ANKRD46: variants seen among roughly 807,000 people sequenced by gnomAD.
The protein encoded by ANKRD46 is ankyrin repeat domain 46.
In ANKRD46, 13 loss-of-function variants were observed where a neutral mutation model predicts 19.8. The ratio of observed to expected loss-of-function variants is 0.66; its 90% CI spans 0.43 to 1.04. ANKRD46 has a LOEUF of 1.04. Ranked by LOEUF, ANKRD46 falls within the 50% of genes least tolerant of loss-of-function variation. ANKRD46 has a pLI of 0.00. For synonymous variants in ANKRD46, 91 were observed against 106.9 expected, an observed-to-expected ratio of 0.85 and a Z score of 0.92; for missense variants, 185 against 274.8, an observed-to-expected ratio of 0.67 and a Z score of 2.31.
intron 1 of ANKRD46, among the ~76,000 whole-genome samples, chr8:100,548,258 T>C (rs1180991767): frequency 6.6e-6 from 1 of 152,156 alleles, no homozygotes; most frequent in African/African-American, 2.4e-5. Context: ...GATAATTTTG[T>C]TCCTGCCTAC....
Position 100,522,252 on chromosome 8 carries a change from G to A in ANKRD46, c.*303C>T, listed in dbSNP as rs532422409. 4 of 1,147,636 alleles carry A rather than the reference G, an allele frequency of 3.5e-6. No individual in the cohort carries two copies. In the African/African-American group the frequency reaches 6.3e-5, roughly 18 times the overall value. 71.1% of individuals were successfully genotyped at this position (1,147,636 alleles called of 1,614,324 possible). A position where few individuals can be genotyped will look rare whatever the true frequency, so the allele number is the denominator to read the frequency against. Reference sequence around the variant, plus strand: ...AGGTTTTGATAGCAAGGACTTCCTAGCTTCTTCCTTTATCTTCCATTCTCT... The same window carrying A: ...AGGTTTTGATAGCAAGGACTTCCTAACTTCTTCCTTTATCTTCCATTCTCT... On this transcript the variant is annotated 3_prime_UTR_variant, in exon 5 of 5. Transcript: ENST00000335659.
downstream of ANKRD46, among the ~76,000 whole-genome samples, chr8:100,516,481 T>A (rs1306874382): frequency 6.6e-6 from 1 of 152,226 alleles, no homozygotes; most frequent in Non-Finnish European, 1.5e-5. Context: ...CAATTCACAC[T>A]AATAGCTATC....
chr8:100,544,915 A>G lies in ANKRD46; in HGVS notation c.-130-11604T>C, dbSNP rs1376388783. ...GGTGCTCTTCACAGAGTGAACAAGC[A>G]GAGAAGCCCAAGGAGATAATAACAG... On this transcript the variant is annotated intron_variant, in intron 1 of 4. Transcript: ENST00000335659. This position sits in a 1 kb window ranked among gnomAD's most constrained non-coding sequence, Gnocchi z 4.4. Among the ~76,000 whole-genome samples, 1 of 152,222 alleles carries G rather than the reference A, an allele frequency of 6.6e-6. No individual in the cohort carries two copies. Among genetic ancestry groups the G allele is most frequent in the Non-Finnish European group, 1.5e-5 (1 of 68,042 alleles).
In ANKRD46 at chr8:100,522,081, C is replaced by T; in HGVS notation, c.*474G>A. On this transcript the variant is annotated 3_prime_UTR_variant, in exon 5 of 5. Transcript: ENST00000335659. ...TTGCACACAAGATTTGAAAAAAGTA[C>T]TTCAAGTTTTATCTCTTATCCCTAG... 1.0e-6 allele frequency: 1 copy of T among 986,786 alleles called. No homozygotes were observed. The highest frequency in any genetic ancestry group is 4.7e-5 in the South Asian group (1 of 21,452). 61.1% of individuals were successfully genotyped at this position (986,786 alleles called of 1,614,324 possible).
chr8:100,547,032 G>C (rs1298289590), intron 1 of ANKRD46, among the ~76,000 whole-genome samples: 1 of 152,220 alleles, frequency 6.6e-6, no homozygotes, highest in African/African-American at 2.4e-5. Flanking sequence ...CAGACTCATA[G>C]GTGGAAGAGA....
At chr8:100,523,258 AT>A (rs1811771350) in intron 4 of ANKRD46, among the ~76,000 whole-genome samples, 1 of 151,984 alleles carries the variant, frequency 6.6e-6, no homozygotes, top group Non-Finnish European at 1.5e-5. Context: ...GTTATGTTAA[AT>A]TTAGAAGATT....
In ANKRD46 at chr8:100,546,165, A is replaced by C. The variant is rs1489711017; in HGVS notation, c.-130-12854T>G. ...TCAAGCATGCTACAGAAATTTGCCT[A>C]AATAACAAGGAACAGAATGTTAATA... On this transcript the variant is annotated intron_variant, in intron 1 of 4. Transcript: ENST00000335659. The surrounding 1 kb of genome is among the most constrained non-coding windows in gnomAD (Gnocchi z 4.0). 6.6e-6 allele frequency among the ~76,000 whole-genome samples: 1 copy of C among 152,262 alleles called. No individual in the cohort carries two copies. The highest frequency in any genetic ancestry group is 1.5e-5 in the Non-Finnish European group (1 of 68,044).
rs1812282650 is a variant in ANKRD46, at chr8:100,546,849, T to C, written c.-131+12862A>G. Among the ~76,000 whole-genome samples, 1 of 152,072 alleles carries C rather than the reference T, an allele frequency of 6.6e-6. No homozygotes were observed. Among genetic ancestry groups the C allele is most frequent in the African/African-American group, 2.4e-5 (1 of 41,400 alleles). ...CATACCCTGGATGTGAGACATGGAG[T>C]TAAAGGAGATTTTGGAGTTTAAGAT... On this transcript the variant is annotated intron_variant, in intron 1 of 4. Coordinates refer to ENST00000335659, the MANE Select transcript of ANKRD46 (RefSeq NM_001270377.2). The surrounding 1 kb of genome is among the most constrained non-coding windows in gnomAD (Gnocchi z 4.0).
In ANKRD46 at chr8:100,522,724, T is replaced by C. The variant is rs1343545191; in HGVS notation, c.518A>G (p.Glu173Gly). 1 of 1,614,062 alleles carries C rather than the reference T, an allele frequency of 6.2e-7. No individual in the cohort carries two copies. Among genetic ancestry groups the C allele is most frequent in the Non-Finnish European group, 8.5e-7 (1 of 1,180,012 alleles). The change falls in exon 5 of 5, where the codon GAA (glutamate) becomes GGA (glycine). Residue 173 changes from glutamate (E) to glycine (G), a missense_variant. Physicochemically the swap from Glu to Gly is moderately conservative, Grantham distance 98 (BLOSUM62 -2). Transcript: ENST00000335659. Reference protein sequence around the residue: ...SLLNPNLQQGEGVLSSFRTTW... With the variant: ...SLLNPNLQQGGGVLSSFRTTW... ...GGTTCGGAAGCTGGAGAGGACTCCT[T>C]CACCTTGCTGCAGGTTGGGATTGAG...
intron 2 of ANKRD46, among the ~76,000 whole-genome samples, chr8:100,531,285 T>C (rs1299939052): frequency 2.0e-5 from 3 of 152,314 alleles, no homozygotes; most frequent in Non-Finnish European, 4.4e-5. Flanking sequence ...ATACAGCTGA[T>C]CAGGTAAAGT....
downstream of ANKRD46, among the ~76,000 whole-genome samples, chr8:100,520,444 C>G (rs941563346): frequency 2.0e-5 from 3 of 152,078 alleles, no homozygotes; most frequent in Non-Finnish European, 2.9e-5. Context: ...AGTTACTTAG[C>G]CATCCCTGTG....
rs1811748266 is a variant in ANKRD46, at chr8:100,522,599, C to T, written c.643G>A (p.Gly215Arg). Residue 215 changes from glycine to arginine, a missense_variant, in exon 5 of 5, where the codon GGG becomes AGG. Coordinates refer to ENST00000335659, the MANE Select transcript of ANKRD46 (RefSeq NM_001270377.2). The stretch of plus-strand genomic sequence containing the variant: ...TGGTTTTCCACGAAGGGTAGCACCC[C>T]ACTCACATAATAAGCAATGCCAAGA... ...LSLGIAYYVS[G>R]VLPFVENQPE... The T allele has an allele frequency of 6.2e-7, 1 of 1,613,872 alleles. No individual in the cohort carries two copies.
chr8:100,529,532 ATT>A lies in ANKRD46; in HGVS notation c.300_301del (p.Lys100AsnfsTer2). Reference sequence around the variant, plus strand: ...ACAACAGAGAACTTACCAAATATCAATTTTGAGTCCATTGGAAACCAAAAATT... The same window carrying A: ...ACAACAGAGAACTTACCAAATATCAATTGAGTCCATTGGAAACCAAAAATT... On this transcript the variant is annotated frameshift_variant, in exon 3 of 5. Coordinates refer to ENST00000335659, the MANE Select transcript of ANKRD46 (RefSeq NM_001270377.2). LOFTEE classifies it high-confidence loss of function. This position sits in a 1 kb window ranked among gnomAD's most constrained non-coding sequence, Gnocchi z 5.8. 6.2e-7 allele frequency: 1 copy of A among 1,610,774 alleles called. No individual in the cohort carries two copies. The highest frequency in any genetic ancestry group is 1.7e-5 in the Admixed American group (1 of 59,938).
At position 100,511,781 on chromosome 8, in the gene ANKRD46, T is replaced by C. The variant is rs373025566; in HGVS notation, c.637-1142A>G. On this transcript the variant is annotated intron_variant, in intron 5 of 5. Transcript: ENST00000520552. The surrounding 1 kb of genome is among the most constrained non-coding windows in gnomAD (Gnocchi z 4.1). ...GCTCACGCCTGTAATCCCAGCACTTTGGGAGGTCAATGCGGGCAGATCACT... is the reference window on the plus strand; with the variant it reads ...GCTCACGCCTGTAATCCCAGCACTTCGGGAGGTCAATGCGGGCAGATCACT... Among the ~76,000 whole-genome samples, 1 of 152,342 alleles carries C rather than the reference T, an allele frequency of 6.6e-6. No homozygotes were observed. Among genetic ancestry groups the C allele is most frequent in the Middle Eastern group, 3.4e-3 (1 of 294 alleles).
intron 1 of ANKRD46, among the ~76,000 whole-genome samples, chr8:100,533,604 G>C (rs150871713): frequency 2.0e-5 from 3 of 152,226 alleles, no homozygotes; most frequent in African/African-American, 7.2e-5. Flanking sequence ...ATTGGGCTCC[G>C]AAAATTCACT....
chr8:100,558,135 G>C (rs1273756360), intron 1 of ANKRD46, among the ~76,000 whole-genome samples: 7 of 152,264 alleles, frequency 4.6e-5, no homozygotes. Flanking sequence ...TAATAGGTAA[G>C]GCTAAGAAGT....
intron 1 of ANKRD46, among the ~76,000 whole-genome samples, chr8:100,547,461 G>A (rs1032254775): frequency 1.3e-5 from 2 of 152,162 alleles, no homozygotes; most frequent in African/African-American, 2.4e-5. Flanking sequence ...CCCCAGCCAT[G>A]AGGAACTGTG....
chr8:100,522,812 C>G, intron 4 of ANKRD46, 41 bp from the exon 5 acceptor site: 1 of 1,571,752 alleles, frequency 6.4e-7, no homozygotes, highest in Non-Finnish European at 8.7e-7. Context: ...TAAAAAAACA[C>G]AGCAATTCCA....
At position 100,550,210 on chromosome 8, in the gene ANKRD46, T is replaced by C. The variant is rs1348411985; in HGVS notation, c.-131+9501A>G. The stretch of plus-strand genomic sequence containing the variant: ...GAGCATGATTGCTGGATGGTAAGAG[T>C]ATGTTTAGTTTTTTTAAGAAACCAC... On this transcript the variant is annotated intron_variant, in intron 1 of 4. Coordinates refer to ENST00000335659, the MANE Select transcript of ANKRD46 (RefSeq NM_001270377.2). This position sits in a 1 kb window ranked among gnomAD's most constrained non-coding sequence, Gnocchi z 4.4. Among the ~76,000 whole-genome samples, 1 of 152,010 alleles carries C rather than the reference T, an allele frequency of 6.6e-6. No individual in the cohort carries two copies. The highest frequency in any genetic ancestry group is 1.5e-5 in the Non-Finnish European group (1 of 68,004).
Sources: allele counts gnomAD v4.1 joint callset (sites outside exome capture counted in the v4.1 genomes callset), GRCh38; gene constraint gnomAD v4.1.1; non-coding constraint Gnocchi (gnomAD v3.1); transcripts MANE v1.5; gene names NCBI Gene and HGNC (gene_info 2026-07-23, HGNC 2026-07-21).